The following CEP295 variants were observed in gnomAD, a reference collection of about 807,000 sequenced individuals.
CEP295 encodes centrosomal protein 295.
A neutral mutation model predicts 291.6 loss-of-function variants in CEP295; 190 were observed. The ratio of observed to expected loss-of-function variants is 0.65; its 90% CI spans 0.58 to 0.73. CEP295 has a LOEUF of 0.73. Among genes scored for constraint, CEP295 ranks in the 30% least tolerant of loss-of-function variants. The probability of loss-of-function intolerance (pLI) is 0.00; values close to 1 mark genes in which losing one functional copy is unlikely to be tolerated. For missense variants in CEP295, 2,863 were observed against 2,949.4 expected (o/e 0.97, Z 0.68); for synonymous variants, 993 against 1,038.8 (o/e 0.96, Z 0.85).
Position 93,700,034 on chromosome 11 carries a change from T to C in CEP295, c.5122T>C (p.Leu1708=), listed in dbSNP as rs138656357. 3 of 1,551,866 alleles carry C rather than the reference T, an allele frequency of 1.9e-6. No individual in the cohort carries two copies. Among genetic ancestry groups the C allele is most frequent in the Non-Finnish European group, 2.6e-6 (3 of 1,147,022 alleles). ...GTCTGTCTTAACTCAGCAAGATAAC[T>C]TGGGACTTCAGAAACAGTTGGATCT... The part of the protein sequence containing the change: ...SQSVLTQQDN[L]GLQKQLDLQR... Residue 1708 remains leucine (L), a synonymous_variant, in exon 15 of 30, where the codon TTG becomes CTG. Coordinates refer to ENST00000325212, the MANE Select transcript of CEP295 (RefSeq NM_033395.2).
chr11:93,697,346 T>C lies in CEP295; in HGVS notation c.2434T>C (p.Ser812Pro). Residue 812 changes from serine to proline, a missense_variant, in exon 15 of 30, where the codon TCA becomes CCA. Around this residue, in one of 3 missense-constraint regions of CEP295, gnomAD observed 2,295 missense variants for 2,335.7 expected, o/e 0.98. Coordinates refer to ENST00000325212, the MANE Select transcript of CEP295 (RefSeq NM_033395.2). ...GTCAGGAAAAATTCAAGAACCCTTTTCAGCCATGAGCAAAAGTACAGTTTC... is the reference window on the plus strand; with the variant it reads ...GTCAGGAAAAATTCAAGAACCCTTTCCAGCCATGAGCAAAAGTACAGTTTC... ...VESGKIQEPF[S>P]AMSKSTVSTS... is the part of the protein sequence containing the mutation. The C allele has an allele frequency of 1.9e-6, 3 of 1,551,842 alleles. No individual in the cohort carries two copies. The highest frequency in any genetic ancestry group is 3.3e-4 in the Middle Eastern group (2 of 5,994).
intron 18 of CEP295, among the ~76,000 whole-genome samples, chr11:93,708,581 C>A (rs1253306249): frequency 6.6e-6 from 1 of 152,090 alleles, no homozygotes; most frequent in Non-Finnish European, 1.5e-5. Flanking sequence ...GCTTCCAAAT[C>A]TTGGCTATTG....
chr11:93,674,774 G>A (rs113520499), intron 5 of CEP295, among the ~76,000 whole-genome samples: 2 of 152,106 alleles, frequency 1.3e-5, no homozygotes, highest in Non-Finnish European at 2.9e-5. Context: ...TCTGTAAAAT[G>A]CATGGTTTAT....
At chr11:93,680,511 G>A (rs576563035) in intron 7 of CEP295, among the ~76,000 whole-genome samples, 14 of 152,254 alleles carry the variant, frequency 9.2e-5, no homozygotes, top group Admixed American at 9.2e-4. Flanking sequence ...TCCCAGTTTG[G>A]GACTGTGTTG....
intron 3 of CEP295, 98 bp from the exon 4 acceptor site, chr11:93,668,710 A>G (rs1950298006): frequency 2.3e-5 from 21 of 899,090 alleles, no homozygotes; most frequent in Non-Finnish European, 3.6e-5. Flanking sequence ...GTATGTAGAA[A>G]GAAGATGACA....
chr11:93,669,837 A>G, intron 5 of CEP295, 67 bp downstream of exon 5: 7 of 992,894 alleles, frequency 7.1e-6, no homozygotes, highest in Non-Finnish European at 1.1e-5. Flanking sequence ...AGTGGAGGTC[A>G]GAATGACTAT....
In CEP295 at chr11:93,726,053, TTCCCTACCTCAATC is replaced by T. The variant is rs138081758; in HGVS notation, c.6499+223_6499+236del. Among the ~76,000 whole-genome samples, 750 of 152,352 alleles carry T rather than the reference TTCCCTACCTCAATC, an allele frequency of 4.9e-3. 9 individuals are homozygous for T. The highest frequency in any genetic ancestry group is 0.017 in the African/African-American group (690 of 41,588). On this transcript the variant is annotated intron_variant, in intron 23 of 29. Coordinates refer to ENST00000325212, the MANE Select transcript of CEP295 (RefSeq NM_033395.2). ...AAAGTGTTGCCTCTTGTTCCTCAATTTCCCTACCTCAATCATTATGTGATAGTTAACAGTTTAAG... is the reference window on the plus strand; with the variant it reads ...AAAGTGTTGCCTCTTGTTCCTCAATTATTATGTGATAGTTAACAGTTTAAG...
At chr11:93,721,923 A>G (rs775773141) in intron 19 of CEP295, 31 bp from the exon 20 acceptor site, 4 of 1,478,486 alleles carry the variant, frequency 2.7e-6, no homozygotes, top group Non-Finnish European at 3.8e-6. Flanking sequence ...TACTTGCTAC[A>G]TTGTGGTATG....
chr11:93,689,725 C>T (rs1182996338), intron 10 of CEP295, among the ~76,000 whole-genome samples: 1 of 152,086 alleles, frequency 6.6e-6, no homozygotes, highest in East Asian at 1.9e-4. Context: ...TGCTTATTAT[C>T]TTAATGCCTA....
chr11:93,668,543 C>G (rs1478685766), intron 3 of CEP295, among the ~76,000 whole-genome samples: 1 of 152,124 alleles, frequency 6.6e-6, no homozygotes, highest in Non-Finnish European at 1.5e-5. Flanking sequence ...ATTTTACGTA[C>G]TTTAACCATG....
At chr11:93,704,259 T>G (rs1190435467) in intron 17 of CEP295, among the ~76,000 whole-genome samples, 1 of 152,162 alleles carries the variant, frequency 6.6e-6, no homozygotes, top group Non-Finnish European at 1.5e-5. Flanking sequence ...AAAAAAAAGC[T>G]GTAATGTTAA....
In CEP295 at chr11:93,727,584, G is replaced by T. The variant is rs1255604861; in HGVS notation, c.7108G>T (p.Glu2370Ter). 1 of 1,550,934 alleles carries T rather than the reference G, an allele frequency of 6.4e-7. No individual in the cohort carries two copies. Among genetic ancestry groups the T allele is most frequent in the Admixed American group, 2.0e-5 (1 of 50,780 alleles). The change falls in exon 24 of 30, where the codon GAG (glutamate) becomes TAG (stop). Residue 2370 changes from glutamate (E) to a stop codon, truncating the protein, a stop_gained. Coordinates refer to ENST00000325212, the MANE Select transcript of CEP295 (RefSeq NM_033395.2). LOFTEE classifies it high-confidence loss of function. ...AAAACTATCTCAACTAGGAGAATCAGAGCTTTTTGCAAGTTCTGGATCATT... is the reference window on the plus strand; with the variant it reads ...AAAACTATCTCAACTAGGAGAATCATAGCTTTTTGCAAGTTCTGGATCATT... The part of the protein sequence containing the change: ...TKKLSQLGES[E>*]LFASSGSFSL...
At chr11:93,669,945 T>A (rs114702633) in intron 5 of CEP295, among the ~76,000 whole-genome samples, 175 bp downstream of exon 5, 1 of 152,158 alleles carries the variant, frequency 6.6e-6, no homozygotes, top group Non-Finnish European at 1.5e-5. Flanking sequence ...TCATTTCACC[T>A]GTAAATACTT....
chr11:93,700,232 C>A, intron 15 of CEP295, 46 bp downstream of exon 15: 3 of 1,445,672 alleles, frequency 2.1e-6, no homozygotes, highest in Admixed American at 2.7e-5. Flanking sequence ...AAGTTTAAAC[C>A]CAAATCAGTT....
chr11:93,676,541 AT>A (rs1315358522), intron 6 of CEP295, among the ~76,000 whole-genome samples: 1 of 152,070 alleles, frequency 6.6e-6, no homozygotes, highest in Non-Finnish European at 1.5e-5. Context: ...GTATTAAAAT[AT>A]TCAGTTAAGA....
chr11:93,678,663 T>G (rs1314757981), intron 6 of CEP295, among the ~76,000 whole-genome samples: 1 of 152,176 alleles, frequency 6.6e-6, no homozygotes, highest in African/African-American at 2.4e-5. Context: ...TGTGGTAGCT[T>G]ACGCCTGTAA....
At chr11:93,701,436 A>C (rs937448503) in intron 15 of CEP295, among the ~76,000 whole-genome samples, 1 of 152,222 alleles carries the variant, frequency 6.6e-6, no homozygotes, top group Non-Finnish European at 1.5e-5. Flanking sequence ...AAATCCTTTG[A>C]TGTCGAGAAG....
intron 10 of CEP295, among the ~76,000 whole-genome samples, chr11:93,689,426 C>T (rs1050093075): frequency 6.6e-6 from 1 of 152,226 alleles, no homozygotes; most frequent in Admixed American, 6.5e-5. Flanking sequence ...CGCTGTTTCT[C>T]AGACAGCAAA....
intron 17 of CEP295, among the ~76,000 whole-genome samples, chr11:93,704,133 T>C (rs1343423622): frequency 6.6e-6 from 1 of 152,128 alleles, no homozygotes. Flanking sequence ...GAATTCAGAT[T>C]CACTAAATAA....
Sources: allele counts gnomAD v4.1 joint callset (sites outside exome capture counted in the v4.1 genomes callset), GRCh38; gene constraint gnomAD v4.1.1; regional missense constraint gnomAD v4.1.1; transcripts MANE v1.5; gene names NCBI Gene and HGNC (gene_info 2026-07-23, HGNC 2026-07-21).